The following NFIB variants were observed in gnomAD, a reference collection of about 807,000 sequenced individuals.
The protein encoded by NFIB is nuclear factor I B.
NFIB carries 11 observed loss-of-function variants against 61.5 expected under a neutral mutation model. That is an observed-to-expected ratio of 0.18 (90% CI 0.11 to 0.30). NFIB has a LOEUF of 0.30. Ranked by LOEUF, NFIB falls within the 10% of genes least tolerant of loss-of-function variation. NFIB has a pLI of 1.00. For synonymous variants in NFIB, 260 were observed against 216.5 expected (o/e 1.20, Z -1.76); for missense variants, 471 against 608.9 (o/e 0.77, Z 2.38).
intron 2 of NFIB, among the ~76,000 whole-genome samples, chr9:14,295,455 T>C (rs1025498481): frequency 6.6e-5 from 10 of 151,310 alleles, no homozygotes; most frequent in Non-Finnish European, 1.3e-4. Flanking sequence ...TGAAACCCCG[T>C]CTCTACTAAA....
chr9:14,230,246 T>C (rs567398636), intron 2 of NFIB, among the ~76,000 whole-genome samples: 71 of 152,358 alleles, frequency 4.7e-4, no homozygotes, highest in African/African-American at 1.6e-3. Flanking sequence ...TTCTATGAAT[T>C]GCCTTCTATC....
upstream of NFIB, among the ~76,000 whole-genome samples, chr9:14,401,814 C>T (rs1050479417): frequency 6.6e-6 from 1 of 152,142 alleles, no homozygotes; most frequent in Non-Finnish European, 1.5e-5. Context: ...ATGAGTTATA[C>T]AGAAATTCTT....
the NFIB span, among the ~76,000 whole-genome samples, chr9:14,429,415 C>T: frequency 2.5e-4 from 38 of 152,302 alleles, no homozygotes; most frequent in East Asian, 7.3e-3. Flanking sequence ...AAAGCTTTGT[C>T]TCAGATTTAG....
chr9:14,146,522 TGAC>T (rs760090483), intron 6 of NFIB, among the ~76,000 whole-genome samples, 164 bp downstream of exon 6: 1 of 152,194 alleles, frequency 6.6e-6, no homozygotes, highest in Non-Finnish European at 1.5e-5. Context: ...AAATTAACTT[TGAC>T]GACATTTGAC....
intron 2 of NFIB, among the ~76,000 whole-genome samples, chr9:14,181,305 C>A (rs2046746091): frequency 6.6e-6 from 1 of 152,074 alleles, no homozygotes; most frequent in East Asian, 1.9e-4. Context: ...TTTAGTGATT[C>A]CCACATTTTC....
the NFIB span, among the ~76,000 whole-genome samples, chr9:14,464,623 C>G: frequency 1.3e-5 from 2 of 152,040 alleles, no homozygotes; most frequent in Non-Finnish European, 2.9e-5. Context: ...GGGGTGAGAG[C>G]TTAGGAGGAA....
At chr9:14,342,195 A>C (rs879378926) in intron 1 of NFIB, among the ~76,000 whole-genome samples, 1 of 152,194 alleles carries the variant, frequency 6.6e-6, no homozygotes, top group Non-Finnish European at 1.5e-5. Context: ...AAAATAAAGA[A>C]CCTAGATAAG....
chr9:14,464,824 G>C, the NFIB span, among the ~76,000 whole-genome samples: 1 of 152,154 alleles, frequency 6.6e-6, no homozygotes, highest in Non-Finnish European at 1.5e-5. Flanking sequence ...ACCTTGTGAA[G>C]TTATTTATCT....
the NFIB span, among the ~76,000 whole-genome samples, chr9:14,428,236 G>A: frequency 6.6e-5 from 10 of 152,166 alleles, no homozygotes; most frequent in African/African-American, 2.4e-4. Context: ...ATGAGCCACC[G>A]TGCCTGGCCT....
intron 2 of NFIB, among the ~76,000 whole-genome samples, chr9:14,287,902 T>C (rs1243088610): frequency 6.6e-6 from 1 of 152,142 alleles, no homozygotes; most frequent in East Asian, 1.9e-4. Context: ...TCAGGTCAGA[T>C]ATTTTAGTCT....
chr9:14,280,792 G>T (rs370441169), intron 2 of NFIB, among the ~76,000 whole-genome samples: 4 of 152,112 alleles, frequency 2.6e-5, no homozygotes, highest in African/African-American at 9.7e-5. Context: ...ATAGGGAAAA[G>T]AATCCTCAGG....
intron 10 of NFIB, among the ~76,000 whole-genome samples, chr9:14,094,813 G>A (rs755950630): frequency 3.3e-5 from 5 of 151,908 alleles, no homozygotes; most frequent in Admixed American, 2.6e-4. Flanking sequence ...TACTCCTTGG[G>A]GACCAACGGT....
intron 2 of NFIB, among the ~76,000 whole-genome samples, chr9:14,280,101 G>A (rs533418490): frequency 1.4e-4 from 21 of 152,270 alleles, no homozygotes; most frequent in African/African-American, 4.8e-4. Flanking sequence ...TCTGAGTCCT[G>A]TATATCTAGT....
chr9:14,395,932 T>G (rs2133043613), intron 1 of NFIB, among the ~76,000 whole-genome samples: 1 of 151,838 alleles, frequency 6.6e-6, no homozygotes, highest in Non-Finnish European at 1.5e-5. Context: ...TGAAGCTGTT[T>G]TCTATCAGGG....
At chr9:14,350,325 G>A (rs774824574) in intron 1 of NFIB, among the ~76,000 whole-genome samples, 1 of 152,124 alleles carries the variant, frequency 6.6e-6, no homozygotes, top group Non-Finnish European at 1.5e-5. Flanking sequence ...AAAAACGAAG[G>A]GCGTTTCTCT....
intron 2 of NFIB, among the ~76,000 whole-genome samples, chr9:14,225,998 T>G (rs577591461): frequency 6.6e-6 from 1 of 152,216 alleles, no homozygotes; most frequent in Non-Finnish European, 1.5e-5. Flanking sequence ...AATTCAGATT[T>G]AATTATTATA....
rs577635603 is a variant in NFIB at position 14,289,532 on chromosome 9, G to T, written c.562+17457C>A. On this transcript the variant is annotated intron_variant, in intron 2 of 10. Coordinates refer to ENST00000380953, the MANE Select transcript of NFIB (RefSeq NM_001190737.2). ...AAGGTTATATTTTCCTATATATTTG[G>T]TATACCATATAGATATAGATAGATA... is the stretch of plus-strand genomic sequence containing the variant. Among the ~76,000 whole-genome samples, 10 of 150,820 alleles carry T rather than the reference G, an allele frequency of 6.6e-5. No individual in the cohort carries two copies. In the South Asian group the frequency reaches 1.9e-3, roughly 28 times the overall value.
chr9:14,082,604 CAG>C lies in NFIB; in HGVS notation c.*5703_*5704del, dbSNP rs567212191. 31 of 205,912 alleles carry C rather than the reference CAG, an allele frequency of 1.5e-4. No individual in the cohort carries two copies. The highest frequency in any genetic ancestry group is 2.5e-4 in the Non-Finnish European group (25 of 101,062). The allele number at this position is 205,912 out of a possible 1,614,324, so 12.8% of individuals were successfully genotyped here. On this transcript the variant is annotated 3_prime_UTR_variant, in exon 11 of 11. Transcript: ENST00000380953. ...GAAACATATTTACAACTGAACTCAA[CAG>C]AGACTGTGAAATTGAACAGGCACTG...
intron 6 of NFIB, among the ~76,000 whole-genome samples, chr9:14,131,137 T>C (rs1234906399): frequency 6.6e-6 from 1 of 152,206 alleles, no homozygotes; most frequent in Non-Finnish European, 1.5e-5. Flanking sequence ...ACATTGATGG[T>C]GTTATTCTTC....
Sources: gnomAD v4.1 joint callset for allele counts (sites outside exome capture counted in the v4.1 genomes callset) on GRCh38, gnomAD v4.1.1 for gene constraint, MANE v1.5 for transcripts, NCBI Gene and HGNC (gene_info 2026-07-23, HGNC 2026-07-21) for gene names.